MACROD1: variants seen among roughly 807,000 people sequenced by gnomAD.
MACROD1 encodes the protein mono-ADP ribosylhydrolase 1, also known as ADP-ribose glycohydrolase MACROD1.
A neutral mutation model predicts 41.4 loss-of-function variants in MACROD1; 31 were observed. The ratio of observed to expected loss-of-function variants is 0.75; its 90% CI spans 0.56 to 1.01. The LOEUF (loss-of-function observed/expected upper bound fraction) is 1.01, where lower values mean the gene tolerates loss of function less well. Ranked by LOEUF, MACROD1 falls within the 50% of genes least tolerant of loss-of-function variation. The pLI is 0.00. For synonymous variants in MACROD1, 252 were observed against 203.4 expected (o/e 1.24, Z -2.03); for missense variants, 473 against 460.0 (o/e 1.03, Z -0.26).
At position 64,081,322 on chromosome 11, in the gene MACROD1, T is replaced by A. The variant is rs1590880098; in HGVS notation, c.518-66041A>T. On this transcript the variant is annotated intron_variant, in intron 3 of 10. Transcript: ENST00000255681. The stretch of plus-strand genomic sequence containing the variant: ...CAGGCGTGAGCCACCACGCCCAGCC[T>A]ACACTTCATATTTTAAAATCAATGA... Among the ~76,000 whole-genome samples, 3 of 152,320 alleles carry A rather than the reference T, an allele frequency of 2.0e-5. No individual in the cohort carries two copies. The South Asian group carries it at 6.2e-4, about 32-fold the overall frequency.
At chr11:64,028,257 G>A (rs756540710) in intron 3 of MACROD1, among the ~76,000 whole-genome samples, 1 of 152,242 alleles carries the variant, frequency 6.6e-6, no homozygotes, top group African/African-American at 2.4e-5. Flanking sequence ...TGAGGGTCTG[G>A]AGCCGAGGGG....
At chr11:64,152,942 C>T (rs1420087660) in intron 1 of MACROD1, among the ~76,000 whole-genome samples, 1 of 152,222 alleles carries the variant, frequency 6.6e-6, no homozygotes, top group Non-Finnish European at 1.5e-5. Flanking sequence ...TCCCCCCCGG[C>T]AGCGGCTGAG....
At chr11:64,025,776 A>G (rs1018105942) in intron 3 of MACROD1, among the ~76,000 whole-genome samples, 1 of 150,394 alleles carries the variant, frequency 6.6e-6, no homozygotes, top group Non-Finnish European at 1.5e-5. Context: ...AGTGAGTGCA[A>G]TGGTGGGATC....
intron 3 of MACROD1, among the ~76,000 whole-genome samples, chr11:64,078,955 G>A (rs1231247559): frequency 1.3e-5 from 2 of 152,182 alleles, no homozygotes; most frequent in Admixed American, 6.5e-5. Context: ...GGTGAATGGC[G>A]GAGACAGAGG....
intron 3 of MACROD1, among the ~76,000 whole-genome samples, chr11:64,060,108 A>G (rs1172936249): frequency 6.6e-6 from 1 of 152,242 alleles, no homozygotes; most frequent in African/African-American, 2.4e-5. Flanking sequence ...TAATCAAGTA[A>G]TAATGCACCT....
chr11:64,151,371 G>T lies in MACROD1; in HGVS notation c.401-16C>A. ...ACAGCCACCCCTGGAACAAGTAGGG[G>T]CCGGGGAGGTCACAGCGAGGCTGCC... On this transcript the variant is annotated splice_polypyrimidine_tract_variant and intron_variant, in intron 2 of 10. Coordinates refer to ENST00000255681, the MANE Select transcript of MACROD1 (RefSeq NM_014067.4). 6.3e-7 allele frequency: 1 copy of T among 1,595,666 alleles called. No individual in the cohort carries two copies.
chr11:64,007,643 G>C (rs1319337672), intron 4 of MACROD1, among the ~76,000 whole-genome samples: 1 of 152,112 alleles, frequency 6.6e-6, no homozygotes, highest in Non-Finnish European at 1.5e-5. Context: ...TTCTGGTTCG[G>C]CCTCTGGACC....
chr11:64,030,196 A>G (rs1943275903), intron 3 of MACROD1, among the ~76,000 whole-genome samples: 1 of 138,324 alleles, frequency 7.2e-6, no homozygotes. Context: ...TCACACCCAG[A>G]CTCTACCCAC....
chr11:64,125,974 C>T (rs923425181), intron 3 of MACROD1, among the ~76,000 whole-genome samples: 4 of 152,216 alleles, frequency 2.6e-5, no homozygotes, highest in African/African-American at 9.6e-5. Flanking sequence ...GATGCGGGGC[C>T]GCCACCAGTT....
chr11:64,071,911 A>T (rs1453154509), intron 3 of MACROD1, among the ~76,000 whole-genome samples: 1 of 152,124 alleles, frequency 6.6e-6, no homozygotes, highest in Non-Finnish European at 1.5e-5. Context: ...GCAACCCCTA[A>T]TCTGCCCAGT....
chr11:64,121,769 C>T (rs1360577953), intron 3 of MACROD1, among the ~76,000 whole-genome samples: 1 of 152,214 alleles, frequency 6.6e-6, no homozygotes, highest in Non-Finnish European at 1.5e-5. Context: ...GGCTGACCCT[C>T]ACAGCCTCTA....
intron 4 of MACROD1, among the ~76,000 whole-genome samples, chr11:64,013,338 C>G (rs1025155625): frequency 7.9e-5 from 12 of 152,116 alleles, no homozygotes; most frequent in Admixed American, 5.2e-4. Flanking sequence ...CCAGGGTGGA[C>G]CCCCCTGAGA....
At chr11:64,113,844 A>G (rs1342610059) in intron 3 of MACROD1, among the ~76,000 whole-genome samples, 15 of 143,496 alleles carry the variant, frequency 1.0e-4, no homozygotes, top group African/African-American at 3.6e-4. Context: ...GGATGGATGG[A>G]TGGACAGCTG....
intron 3 of MACROD1, among the ~76,000 whole-genome samples, chr11:64,140,656 A>G (rs1001395832): frequency 6.6e-6 from 1 of 152,176 alleles, no homozygotes; most frequent in Non-Finnish European, 1.5e-5. Context: ...CACTGTACTG[A>G]GCATCCTACA....
chr11:64,160,018 C>T (rs932091409), intron 1 of MACROD1, among the ~76,000 whole-genome samples: 3 of 152,044 alleles, frequency 2.0e-5, no homozygotes, highest in Admixed American at 1.3e-4. Context: ...TGAATTTGGC[C>T]GTCAGCTTGG....
At chr11:64,026,374 GC>G (rs912093972) in intron 3 of MACROD1, among the ~76,000 whole-genome samples, 1 of 152,088 alleles carries the variant, frequency 6.6e-6, no homozygotes, top group African/African-American at 2.4e-5. Flanking sequence ...CCCACGCCCA[GC>G]CACCCATTCT....
At position 64,050,384 on chromosome 11, in the gene MACROD1, G is replaced by A. The variant is rs138844880; in HGVS notation, c.518-35103C>T. ...AGGCCACCTAGGGGCAGCTGGACAC[G>A]TAGGGGTCCTGGGGCCAGGCCCTTG... On this transcript the variant is annotated intron_variant, in intron 3 of 10. Coordinates refer to ENST00000255681, the MANE Select transcript of MACROD1 (RefSeq NM_014067.4). 2.3e-3 allele frequency among the ~76,000 whole-genome samples: 343 copies of A among 152,340 alleles called. 1 individual carries two copies. The South Asian group carries it at 0.026, about 11-fold the overall frequency.
intron 3 of MACROD1, among the ~76,000 whole-genome samples, chr11:64,147,984 T>C (rs919145996): frequency 1.3e-5 from 2 of 151,902 alleles, no homozygotes; most frequent in Non-Finnish European, 2.9e-5. Context: ...AGTGATCCTC[T>C]CGTCTCGGCC....
intron 3 of MACROD1, among the ~76,000 whole-genome samples, chr11:64,148,318 T>C (rs1045944831): frequency 1.3e-5 from 2 of 152,030 alleles, no homozygotes; most frequent in African/African-American, 4.8e-5. Context: ...CCCCTCCACA[T>C]CCCTGCAGCT....
Sources: gnomAD v4.1 joint callset for allele counts (sites outside exome capture counted in the v4.1 genomes callset) on GRCh38, gnomAD v4.1.1 for gene constraint, MANE v1.5 for transcripts, NCBI Gene and HGNC (gene_info 2026-07-23, HGNC 2026-07-21) for gene names.